The following PREX1 variants were observed in gnomAD, a reference collection of about 807,000 sequenced individuals.
The protein encoded by PREX1 is phosphatidylinositol 3,4,5-trisphosphate-dependent Rac exchanger 1 protein.
In PREX1, 41 loss-of-function variants were observed where a neutral mutation model predicts 198.3. That is an observed-to-expected ratio of 0.21 (90% CI 0.16 to 0.27). The LOEUF (loss-of-function observed/expected upper bound fraction) is 0.27, where lower values mean the gene tolerates loss of function less well. Ranked by LOEUF, PREX1 falls within the 10% of genes least tolerant of loss-of-function variation. The pLI is 1.00. For synonymous variants in PREX1, 843 were observed against 887.2 expected (o/e 0.95, Z 0.89); for missense variants, 1,620 against 2,200.7 (o/e 0.74, Z 5.28).
chr20:48,811,679 T>TAC (rs145621364), intron 1 of PREX1, among the ~76,000 whole-genome samples: 9 of 99,016 alleles, frequency 9.1e-5, no homozygotes, highest in African/African-American at 3.1e-4. Context: ...CAGACCTGGA[T>TAC]ACACACACAC....
chr20:48,707,967 G>C (rs2089911093), intron 6 of PREX1, among the ~76,000 whole-genome samples: 1 of 152,166 alleles, frequency 6.6e-6, no homozygotes, highest in Admixed American at 6.5e-5. Flanking sequence ...ATGCATGAAA[G>C]AGAAGGGGTG....
At chr20:48,681,116 C>T in intron 11 of PREX1, 119 bp downstream of exon 11, 1 of 893,138 alleles carries the variant, frequency 1.1e-6, no homozygotes, top group Non-Finnish European at 1.8e-6. Context: ...ACACTGTGCC[C>T]AGAAAACACG....
At chr20:48,671,967 G>A (rs1305280770) in intron 14 of PREX1, among the ~76,000 whole-genome samples, 1 of 152,234 alleles carries the variant, frequency 6.6e-6, no homozygotes, top group African/African-American at 2.4e-5. Context: ...CTTGCAACAA[G>A]ATGCGGGTGC....
At chr20:48,685,566 C>A (rs1019527192) in intron 10 of PREX1, among the ~76,000 whole-genome samples, 4 of 152,192 alleles carry the variant, frequency 2.6e-5, no homozygotes, top group Non-Finnish European at 5.9e-5. Flanking sequence ...CAATGTCACA[C>A]AGCTAGAAAG....
At position 48,634,641 on chromosome 20, in the gene PREX1, A is replaced by C. The variant is rs746371059; in HGVS notation, c.4267+35T>G. 1.2e-5 allele frequency: 20 copies of C among 1,604,696 alleles called. No individual in the cohort carries two copies. In the East Asian group the frequency reaches 3.6e-4, roughly 29 times the overall value. The stretch of plus-strand genomic sequence containing the variant: ...GCTGTCCCTTCCACCCCAGGACCCC[A>C]CCTCTCACAGTGGGGGATGGGAGAA... On this transcript the variant is annotated intron_variant, in intron 33 of 39. Transcript: ENST00000371941.
At chr20:48,793,414 T>C (rs184667561) in intron 1 of PREX1, among the ~76,000 whole-genome samples, 2 of 152,224 alleles carry the variant, frequency 1.3e-5, no homozygotes, top group Non-Finnish European at 2.9e-5. Flanking sequence ...GAATTCCTTA[T>C]GGCATGTGAA....
Position 48,747,407 on chromosome 20 carries a change from G to A in PREX1, c.291+402C>T, listed in dbSNP as rs559218529. Reference sequence around the variant, plus strand: ...GCCCTGCCTGGACACTGGATGCCCAGGGCGGGAGCGGGGGCCGGGACTGCC... The same window carrying A: ...GCCCTGCCTGGACACTGGATGCCCAAGGCGGGAGCGGGGGCCGGGACTGCC... On this transcript the variant is annotated intron_variant, in intron 2 of 39. Coordinates refer to ENST00000371941, the MANE Select transcript of PREX1 (RefSeq NM_020820.4). Among the ~76,000 whole-genome samples, 65 of 152,388 alleles carry A rather than the reference G, an allele frequency of 4.3e-4. 1 individual carries two copies. Among genetic ancestry groups the A allele is most frequent in the African/African-American group, 1.5e-3 (64 of 41,598 alleles).
intron 30 of PREX1, among the ~76,000 whole-genome samples, chr20:48,638,698 C>A (rs1430313337): frequency 6.6e-6 from 1 of 151,928 alleles, no homozygotes; most frequent in Non-Finnish European, 1.5e-5. Context: ...CACCAGGAAG[C>A]CAGGCCAGGA....
intron 22 of PREX1, 144 bp downstream of exon 22, chr20:48,651,252 C>G: frequency 1.5e-6 from 2 of 1,339,920 alleles, no homozygotes; most frequent in Non-Finnish European, 2.0e-6. Context: ...AGTGGTGGGA[C>G]AAGGACCAGA....
chr20:48,728,604 T>C (rs1266354414), intron 4 of PREX1, among the ~76,000 whole-genome samples: 1 of 152,210 alleles, frequency 6.6e-6, no homozygotes, highest in Non-Finnish European at 1.5e-5. Context: ...CAGGCCTTTG[T>C]CCTAGGAGCC....
chr20:48,818,061 G>A (rs1472111080), intron 1 of PREX1, among the ~76,000 whole-genome samples: 1 of 152,204 alleles, frequency 6.6e-6, no homozygotes, highest in Non-Finnish European at 1.5e-5. Context: ...TTGAGCAAAG[G>A]CCTGAAGGAG....
the PREX1 span, among the ~76,000 whole-genome samples, chr20:48,862,242 A>T: frequency 1.3e-5 from 2 of 152,096 alleles, no homozygotes; most frequent in African/African-American, 4.8e-5. Flanking sequence ...ATAAAAAAGC[A>T]AAAACCAAAA....
intron 1 of PREX1, among the ~76,000 whole-genome samples, chr20:48,772,113 G>A (rs375003869): frequency 2.2e-4 from 33 of 152,302 alleles, no homozygotes; most frequent in African/African-American, 6.5e-4. Flanking sequence ...AGAATCGCTC[G>A]AACCTGGGAG....
At chr20:48,874,211 C>T in the PREX1 span, among the ~76,000 whole-genome samples, 10 of 152,092 alleles carry the variant, frequency 6.6e-5, no homozygotes, top group African/African-American at 2.4e-4. Flanking sequence ...CAAGATCACC[C>T]ACCTCTTACA....
chr20:48,677,142 C>T (rs1399452964), intron 13 of PREX1, among the ~76,000 whole-genome samples: 3 of 152,218 alleles, frequency 2.0e-5, no homozygotes, highest in South Asian at 2.1e-4. Flanking sequence ...ACAGGCTCCA[C>T]GTGCAGTTGG....
At chr20:48,770,774 AC>A (rs1187905602) in intron 1 of PREX1, among the ~76,000 whole-genome samples, 2 of 152,126 alleles carry the variant, frequency 1.3e-5, no homozygotes, top group East Asian at 3.9e-4. Context: ...AGATTTGCAA[AC>A]CTTTGCAATC....
At chr20:48,677,608 A>C (rs1250032797) in intron 13 of PREX1, among the ~76,000 whole-genome samples, 2 of 152,224 alleles carry the variant, frequency 1.3e-5, no homozygotes, top group Admixed American at 1.3e-4. Flanking sequence ...AAAAGAAGTT[A>C]ATCATCTTTC....
chr20:48,875,649 T>G, the PREX1 span, among the ~76,000 whole-genome samples: 1 of 152,070 alleles, frequency 6.6e-6, no homozygotes, highest in Non-Finnish European at 1.5e-5. Flanking sequence ...GTGTTTCAAA[T>G]AGCAAAACTG....
chr20:48,835,100 C>A, the PREX1 span, among the ~76,000 whole-genome samples: 1 of 152,208 alleles, frequency 6.6e-6, no homozygotes, highest in African/African-American at 2.4e-5. Context: ...ACCCTACTGG[C>A]CAGATCTTGC....
Sources: allele counts gnomAD v4.1 joint callset (sites outside exome capture counted in the v4.1 genomes callset), GRCh38; gene constraint gnomAD v4.1.1; transcripts MANE v1.5; gene names NCBI Gene and HGNC (gene_info 2026-07-23, HGNC 2026-07-21).